The following KIF1A variants were observed in gnomAD, a reference collection of about 807,000 sequenced individuals.
KIF1A encodes the protein kinesin-like protein KIF1A.
A neutral mutation model predicts 227.3 loss-of-function variants in KIF1A; 46 were observed. That is an observed-to-expected ratio of 0.20 (90% confidence interval 0.16 to 0.26). KIF1A has a LOEUF of 0.26. KIF1A is among the 10% of genes least tolerant of loss of function. The probability of loss-of-function intolerance (pLI) is 1.00; values close to 1 mark genes in which losing one functional copy is unlikely to be tolerated. For missense variants in KIF1A, 1,683 were observed against 2,485.9 expected (o/e 0.68, Z 6.87); for synonymous variants, 1,022 against 1,012.8 (o/e 1.01, Z -0.17).
At chr2:240,816,088 T>C (rs1468359631) in intron 1 of KIF1A, among the ~76,000 whole-genome samples, 1 of 151,244 alleles carries the variant, frequency 6.6e-6, no homozygotes, top group East Asian at 1.9e-4. Context: ...AATGTGGAGG[T>C]TGAGTAGAAA....
Position 240,723,975 on chromosome 2 carries a change from C to G in KIF1A, c.4318G>C (p.Gly1440Arg). 1 of 1,611,970 alleles carries G rather than the reference C, an allele frequency of 6.2e-7. No homozygotes were observed. The highest frequency in any genetic ancestry group is 8.5e-7 in the Non-Finnish European group (1 of 1,179,222). ...CAGTGAGAGCAGGGCAGATACCTAC[C>G]TGGGCTGCCCGCGTCAGCCACGTGG... ...LCHVADAGSP[G>R]MQRRRRRVLD... The change falls in exon 41 of 49, where the codon GGG becomes CGG. Residue 1440 changes from glycine (G) to arginine (R), a missense_variant and splice_region_variant. Gly to Arg is a moderately radical substitution (Grantham distance 125). This residue lies in a region of KIF1A where 759 missense variants were observed against 1,020.2 expected (regional missense o/e 0.74). Transcript: ENST00000498729.
rs916703856 is a variant in KIF1A, at chr2:240,770,523, G to A, written c.1341+448C>T. Among the ~76,000 whole-genome samples the A allele has an allele frequency of 5.9e-5, 9 of 152,096 alleles. No homozygotes were observed. The South Asian group carries it at 8.3e-4, about 14-fold the overall frequency. ...GGGATGCTGCGGGGTGGGGAGGGACGAGACTCCTCTCCACCCACAGATGCC... is the reference window on the plus strand; with the variant it reads ...GGGATGCTGCGGGGTGGGGAGGGACAAGACTCCTCTCCACCCACAGATGCC... On this transcript the variant is annotated intron_variant, in intron 15 of 48. Transcript: ENST00000498729.
chr2:240,782,314 GCCCCCCGGGCCACA>G (rs2054151770), intron 10 of KIF1A: 1 of 661,608 alleles, frequency 1.5e-6, no homozygotes, highest in Non-Finnish European at 1.9e-6. Context: ...GGGCCCCCAC[GCCCCCCGGGCCACA>G]CTTTCCCACC....
intron 10 of KIF1A, among the ~76,000 whole-genome samples, chr2:240,776,827 C>T (rs1194664636): frequency 6.6e-6 from 1 of 152,174 alleles, no homozygotes; most frequent in Non-Finnish European, 1.5e-5. Flanking sequence ...TTGAAGACAA[C>T]CCCAGGAGAA....
chr2:240,777,335 C>T (rs995160528), intron 10 of KIF1A, among the ~76,000 whole-genome samples: 7 of 152,214 alleles, frequency 4.6e-5, no homozygotes, highest in East Asian at 1.9e-4. Context: ...TGAGCCACCG[C>T]GCCCGGCCTC....
chr2:240,785,870 G>A (rs1030844979), intron 6 of KIF1A, among the ~76,000 whole-genome samples: 2 of 152,180 alleles, frequency 1.3e-5, no homozygotes, highest in Admixed American at 1.3e-4. Context: ...GGAGTCTGTT[G>A]CCATGACAAC....
chr2:240,760,721 C>T lies in KIF1A; in HGVS notation c.2388G>A (p.Val796=). ...TRPFPRTIVA[V]EVQDQKNGAT... ...CCCCGTTCTTCTGGTCCTGGACCTC[C>T]ACGGCCACAATGGTGCGGGGGAAGG... Residue 796 remains valine (V), a synonymous_variant, in exon 25 of 49, where the codon GTG becomes GTA. Coordinates refer to ENST00000498729, the MANE Select transcript of KIF1A (RefSeq NM_001244008.2). 6.3e-7 allele frequency: 1 copy of T among 1,588,396 alleles called. No individual in the cohort carries two copies. The highest frequency in any genetic ancestry group is 8.6e-7 in the Non-Finnish European group (1 of 1,166,828).
In KIF1A at chr2:240,739,650, A is replaced by G. The variant is rs2047727416; in HGVS notation, c.3901+408T>C. 6.6e-6 allele frequency among the ~76,000 whole-genome samples: 1 copy of G among 152,148 alleles called. No individual in the cohort carries two copies. The highest frequency in any genetic ancestry group is 1.5e-5 in the Non-Finnish European group (1 of 68,026). ...CGTCTGCAGGCCAGGGTCGCCCAAGATGCTGGCCACCACCAGGAGCTGGAA... is the reference window on the plus strand; with the variant it reads ...CGTCTGCAGGCCAGGGTCGCCCAAGGTGCTGGCCACCACCAGGAGCTGGAA... On this transcript the variant is annotated intron_variant, in intron 37 of 48. Coordinates refer to ENST00000498729, the MANE Select transcript of KIF1A (RefSeq NM_001244008.2). The surrounding 1 kb of genome is among the most constrained non-coding windows in gnomAD (Gnocchi z 5.6).
intron 17 of KIF1A, among the ~76,000 whole-genome samples, chr2:240,767,956 G>A (rs368195526): frequency 4.6e-5 from 7 of 152,164 alleles, no homozygotes; most frequent in African/African-American, 1.4e-4. Flanking sequence ...TGGAGACCTC[G>A]TCACTGGACG....
chr2:240,717,949 C>T, intron 48 of KIF1A, 101 bp downstream of exon 48: 2 of 766,486 alleles, frequency 2.6e-6, no homozygotes, highest in Non-Finnish European at 4.5e-6. Flanking sequence ...CCTGGGAGAG[C>T]AGTCTTGTCC....
At chr2:240,746,010 G>A (rs1412361772) in intron 30 of KIF1A, 29 bp downstream of exon 30, 21 of 1,605,888 alleles carry the variant, frequency 1.3e-5, no homozygotes, top group Admixed American at 3.4e-5. Context: ...CATCCCCTAC[G>A]CCCTGGGCAG....
In KIF1A at chr2:240,737,093, G is replaced by A. The variant is rs2125718681; in HGVS notation, c.3977C>T (p.Ser1326Phe). ...ATCTTGGGCTGGGTGGATGTATCCG[G>A]AAGAGAGGATGTTGAGAGACAAGAT... ...PNILSLNILS[S>F]GYIHPAQDDR... The change falls in exon 38 of 49, where the codon TCC becomes TTC. Residue 1326 changes from serine (S) to phenylalanine (F), a missense_variant. Around this residue, in one of 12 missense-constraint regions of KIF1A, gnomAD observed 759 missense variants for 1,020.2 expected, o/e 0.74. Coordinates refer to ENST00000498729, the MANE Select transcript of KIF1A (RefSeq NM_001244008.2). 6.2e-7 allele frequency: 1 copy of A among 1,613,788 alleles called. No homozygotes were observed. The highest frequency in any genetic ancestry group is 8.5e-7 in the Non-Finnish European group (1 of 1,179,686).
intron 48 of KIF1A, 50 bp from the exon 49 acceptor site, chr2:240,717,456 G>A (rs764018540): frequency 1.9e-6 from 3 of 1,571,966 alleles, no homozygotes; most frequent in Admixed American, 1.7e-5. Context: ...AACACCTGCA[G>A]GCCATATCCA....
At position 240,771,953 on chromosome 2, in the gene KIF1A, G is replaced by A. The variant is rs3821347; in HGVS notation, c.1207+617C>T. On this transcript the variant is annotated intron_variant, in intron 14 of 48. Coordinates refer to ENST00000498729, the MANE Select transcript of KIF1A (RefSeq NM_001244008.2). Reference sequence around the variant, plus strand: ...CAGCAGCAAGCACGGGACCACACGGGGTGTGGGGGAAGTGGAGGGCGCCCT... The same window carrying A: ...CAGCAGCAAGCACGGGACCACACGGAGTGTGGGGGAAGTGGAGGGCGCCCT... Among the ~76,000 whole-genome samples, 194 of 152,320 alleles carry A rather than the reference G, an allele frequency of 1.3e-3. 1 individual carries two copies. The East Asian group carries it at 0.037, about 29-fold the overall frequency.
At chr2:240,721,962 C>G in intron 43 of KIF1A, 78 bp from the exon 44 acceptor site, 2 of 1,190,038 alleles carry the variant, frequency 1.7e-6, no homozygotes, top group Non-Finnish European at 2.4e-6. Flanking sequence ...GCTCTTCTAC[C>G]CACCCCTCCC....
rs563810738 is a variant in KIF1A at position 240,792,437 on chromosome 2, G to A, written c.107-3125C>T. Among the ~76,000 whole-genome samples, 4 of 151,370 alleles carry A rather than the reference G, an allele frequency of 2.6e-5. No homozygotes were observed. Among genetic ancestry groups the A allele is most frequent in the East Asian group, 2.0e-4 (1 of 5,064 alleles). ...CCCAGAGCTGGGCCCCTCCAAGGCC[G>A]GCGAGGTGCCCAGTATCAGGCAGCC... On this transcript the variant is annotated intron_variant, in intron 2 of 48. Transcript: ENST00000498729. The surrounding 1 kb of genome is among the most constrained non-coding windows in gnomAD (Gnocchi z 4.5).
rs1050506762 is a variant in KIF1A at position 240,793,627 on chromosome 2, G to A, written c.106+4020C>T. Among the ~76,000 whole-genome samples, 1 of 152,216 alleles carries A rather than the reference G, an allele frequency of 6.6e-6. No individual in the cohort carries two copies. The highest frequency in any genetic ancestry group is 2.4e-5 in the African/African-American group (1 of 41,444). ...CAACCTACACTAGCTCTGCCAGGTC[G>A]GACCGAAGTGCACCTAATGGACAGC... On this transcript the variant is annotated intron_variant, in intron 2 of 48. Coordinates refer to ENST00000498729, the MANE Select transcript of KIF1A (RefSeq NM_001244008.2). This position sits in a 1 kb window ranked among gnomAD's most constrained non-coding sequence, Gnocchi z 4.8.
chr2:240,811,897 G>T (rs13406946), intron 1 of KIF1A, among the ~76,000 whole-genome samples: 1,919 of 152,226 alleles, frequency 0.013, 28 homozygotes, highest in African/African-American at 0.043. Context: ...CACAGGAAGT[G>T]GGCAGAGAAG....
chr2:240,734,638 G>T (rs924502102), intron 38 of KIF1A: 1 of 1,062,320 alleles, frequency 9.4e-7, no homozygotes, highest in Admixed American at 2.3e-5. Context: ...TCAGGGGCAT[G>T]GGGGGCGGTC....
Sources: allele counts gnomAD v4.1 joint callset (sites outside exome capture counted in the v4.1 genomes callset), GRCh38; gene constraint gnomAD v4.1.1; regional missense constraint gnomAD v4.1.1; non-coding constraint Gnocchi (gnomAD v3.1); transcripts MANE v1.5; gene names NCBI Gene and HGNC (gene_info 2026-07-23, HGNC 2026-07-21).